Variants in NWD2 observed in about 807,000 individuals in gnomAD.
NWD2 encodes the protein NACHT and WD repeat domain containing 2.
In NWD2, 37 loss-of-function variants were observed where a neutral mutation model predicts 132.7. The ratio of observed to expected loss-of-function variants is 0.28; its 90% CI spans 0.21 to 0.37. The LOEUF is 0.37. Among genes scored for constraint, NWD2 ranks in the 10% least tolerant of loss-of-function variants. NWD2 has a pLI of 1.00. For synonymous variants in NWD2, 705 were observed against 803.0 expected (o/e 0.88, Z 2.06); for missense variants, 1,592 against 2,122.4 (o/e 0.75, Z 4.91).
In NWD2 at chr4:37,363,677, G is replaced by T. The variant is rs1720027242; in HGVS notation, c.357+7195G>T. Reference sequence around the variant, plus strand: ...GCCATCAGTGGCACAGAGAATGAGGGAGGGGGCAAGGGTTGAAAACTATTG... The same window carrying T: ...GCCATCAGTGGCACAGAGAATGAGGTAGGGGGCAAGGGTTGAAAACTATTG... On this transcript the variant is annotated intron_variant, in intron 3 of 6. Transcript: ENST00000309447. Among the ~76,000 whole-genome samples the T allele has an allele frequency of 2.0e-5, 3 of 152,170 alleles. No individual in the cohort carries two copies. The South Asian group carries it at 6.2e-4, about 32-fold the overall frequency.
chr4:37,290,943 A>T (rs1364912120), intron 1 of NWD2, among the ~76,000 whole-genome samples: 1 of 152,184 alleles, frequency 6.6e-6, no homozygotes, highest in African/African-American at 2.4e-5. Flanking sequence ...CCTAGAATTA[A>T]GGAATGATAT....
Position 37,447,315 on chromosome 4 carries a change from A to C in NWD2, c.*98A>C. 1.1e-6 allele frequency: 1 copy of C among 914,666 alleles called. No individual in the cohort carries two copies. The highest frequency in any genetic ancestry group is 1.8e-5 in the South Asian group (1 of 56,128). The allele number at this position is 914,666 out of a possible 1,614,324, so 56.7% of individuals were successfully genotyped here. ...AACTATTCATTTATTAAAAGGCAGG[A>C]GCGATGCTGGAATTCCAGTGTTTTA... On this transcript the variant is annotated 3_prime_UTR_variant, in exon 7 of 7. Coordinates refer to ENST00000309447, the MANE Select transcript of NWD2 (RefSeq NM_001144990.2).
At chr4:37,418,744 G>A (rs1175681775) in intron 3 of NWD2, among the ~76,000 whole-genome samples, 1 of 151,974 alleles carries the variant, frequency 6.6e-6, no homozygotes, top group Non-Finnish European at 1.5e-5. Context: ...TTGCCACACT[G>A]TCTTCCATAA....
intron 1 of NWD2, among the ~76,000 whole-genome samples, chr4:37,253,966 G>A (rs559665717): frequency 3.3e-5 from 5 of 152,150 alleles, no homozygotes; most frequent in South Asian, 4.1e-4. Flanking sequence ...ACCAAATACC[G>A]CATGTTCTAA....
In NWD2 at chr4:37,257,733, C is replaced by T. The variant is rs545348379; in HGVS notation, c.151+12515C>T. ...TATGCTTTTAGCTAGAAGGGATCTG[C>T]TGTTTACCAGATTTTTAAAATGATG... On this transcript the variant is annotated intron_variant, in intron 1 of 6. Coordinates refer to ENST00000309447, the MANE Select transcript of NWD2 (RefSeq NM_001144990.2). Among the ~76,000 whole-genome samples, 5 of 152,274 alleles carry T rather than the reference C, an allele frequency of 3.3e-5. No individual in the cohort carries two copies. The East Asian group carries it at 9.6e-4, about 29-fold the overall frequency.
At chr4:37,371,702 C>T (rs1011726854) in intron 3 of NWD2, among the ~76,000 whole-genome samples, 17 of 152,270 alleles carry the variant, frequency 1.1e-4, no homozygotes, top group African/African-American at 2.6e-4. Context: ...TTTTTGATAT[C>T]ACAGACCAAT....
chr4:37,339,618 A>G (rs146759055), intron 2 of NWD2, among the ~76,000 whole-genome samples: 121 of 152,330 alleles, frequency 7.9e-4, no homozygotes, highest in Non-Finnish European at 1.3e-3. Context: ...ACGTGTCCCC[A>G]TTGAGTACAG....
chr4:37,282,779 C>T (rs1189029325), intron 1 of NWD2, among the ~76,000 whole-genome samples: 1 of 152,148 alleles, frequency 6.6e-6, no homozygotes, highest in Non-Finnish European at 1.5e-5. Context: ...TATTTAACCT[C>T]TCAATGCTCC....
At chr4:37,363,738 C>T (rs965846294) in intron 3 of NWD2, among the ~76,000 whole-genome samples, 15 of 152,128 alleles carry the variant, frequency 9.9e-5, no homozygotes, top group African/African-American at 3.1e-4. Flanking sequence ...TGGGATCAGT[C>T]GTATCCCAAA....
intron 3 of NWD2, among the ~76,000 whole-genome samples, chr4:37,391,099 C>T (rs751345136): frequency 7.9e-5 from 12 of 151,970 alleles, no homozygotes; most frequent in Admixed American, 2.6e-4. Flanking sequence ...GAGTACAGTT[C>T]GATTATTTTA....
intron 1 of NWD2, among the ~76,000 whole-genome samples, chr4:37,283,497 A>T (rs929326286): frequency 1.3e-5 from 2 of 152,152 alleles, no homozygotes; most frequent in Non-Finnish European, 2.9e-5. Context: ...ATAAATGTAC[A>T]CTTATTACTA....
intron 1 of NWD2, among the ~76,000 whole-genome samples, chr4:37,316,433 G>T (rs540169461): frequency 5.9e-5 from 9 of 151,996 alleles, no homozygotes; most frequent in African/African-American, 2.2e-4. Context: ...TGTTTTAACA[G>T]TTTGACTATA....
chr4:37,313,666 A>G (rs921355526), intron 1 of NWD2, among the ~76,000 whole-genome samples: 6 of 150,794 alleles, frequency 4.0e-5, no homozygotes, highest in African/African-American at 1.2e-4. Context: ...GTTCGTTTCT[A>G]TTCCTTGTTG....
At chr4:37,356,540 G>C (rs557842579) in intron 3 of NWD2, 58 bp downstream of exon 3, 2 of 1,114,596 alleles carry the variant, frequency 1.8e-6, no homozygotes, top group Non-Finnish European at 2.6e-6. Flanking sequence ...GAGAATTATT[G>C]CTGATTTGTG....
At chr4:37,367,195 C>T (rs1014847832) in intron 3 of NWD2, among the ~76,000 whole-genome samples, 3 of 151,808 alleles carry the variant, frequency 2.0e-5, no homozygotes, top group African/African-American at 7.3e-5. Flanking sequence ...CTAAACATGT[C>T]TAAATGTGTG....
chr4:37,404,238 A>G (rs994840973), intron 3 of NWD2, among the ~76,000 whole-genome samples: 1 of 152,198 alleles, frequency 6.6e-6, no homozygotes, highest in East Asian at 1.9e-4. Context: ...CTAACTTACA[A>G]TGTCATAGGA....
chr4:37,324,576 T>G (rs1453706622), intron 1 of NWD2, among the ~76,000 whole-genome samples: 1 of 152,186 alleles, frequency 6.6e-6, no homozygotes, highest in African/African-American at 2.4e-5. Context: ...CCTCCATCAG[T>G]GCCATAACAC....
intron 3 of NWD2, among the ~76,000 whole-genome samples, chr4:37,358,674 T>A (rs1005597274): frequency 3.9e-5 from 6 of 152,174 alleles, no homozygotes; most frequent in Non-Finnish European, 8.8e-5. Context: ...TAATAACAGT[T>A]ATCTACCTCA....
At chr4:37,414,086 G>A (rs897337957) in intron 3 of NWD2, among the ~76,000 whole-genome samples, 1 of 151,656 alleles carries the variant, frequency 6.6e-6, no homozygotes, top group Non-Finnish European at 1.5e-5. Context: ...AAAACTGCAC[G>A]TTCTCCACAT....
Sources: gnomAD v4.1 joint callset for allele counts (sites outside exome capture counted in the v4.1 genomes callset) on GRCh38, gnomAD v4.1.1 for gene constraint, MANE v1.5 for transcripts, NCBI Gene and HGNC (gene_info 2026-07-23, HGNC 2026-07-21) for gene names.